DEF6: variants seen among roughly 807,000 people sequenced by gnomAD.
DEF6 encodes the protein differentially expressed in FDCP 6 homolog.
A neutral mutation model predicts 80.5 loss-of-function variants in DEF6; 32 were observed. That is an observed-to-expected ratio of 0.40 (90% CI 0.30 to 0.53). The LOEUF (loss-of-function observed/expected upper bound fraction) is 0.53. Ranked by LOEUF, DEF6 falls within the 20% of genes least tolerant of loss-of-function variation. The pLI, the probability that DEF6 is intolerant of heterozygous loss-of-function variation, is 0.57. For missense variants in DEF6, 575 were observed against 818.7 expected, an observed-to-expected ratio of 0.70 and a Z score of 3.63; for synonymous variants, 300 against 337.9, an observed-to-expected ratio of 0.89 and a Z score of 1.23.
intron 5 of DEF6, among the ~76,000 whole-genome samples, chr6:35,314,808 A>G (rs1431101711): frequency 8.1e-6 from 1 of 122,916 alleles, no homozygotes; most frequent in Non-Finnish European, 1.8e-5. Context: ...TTGGTTGCCT[A>G]TGCTTTTGAG....
In DEF6 at chr6:35,312,186, G is replaced by A. The variant is rs1030546003; in HGVS notation, c.424-116G>A. 7.2e-5 allele frequency: 61 copies of A among 842,568 alleles called. No homozygotes were observed. The highest frequency in any genetic ancestry group is 1.5e-4 in the Admixed American group (6 of 39,310). The allele number at this position is 842,568 out of a possible 1,614,324, so 52.2% of individuals were successfully genotyped here. On this transcript the variant is annotated intron_variant, in intron 3 of 10. Transcript: ENST00000316637. The surrounding 1 kb of genome is among the most constrained non-coding windows in gnomAD (Gnocchi z 6.6). ...CATTCGGTCCTCTGGCCCCCTCAAC[G>A]CTCTGTCCCCTGTTTCCCTCTGCCC... is the stretch of plus-strand genomic sequence containing the variant.
In DEF6 at chr6:35,310,514, C is replaced by T. The variant is rs1367992165; in HGVS notation, c.293C>T (p.Thr98Met). The change falls in exon 3 of 11, where the codon ACG becomes ATG. Residue 98 changes from threonine to methionine, a missense_variant. Transcript: ENST00000316637. ...TTTGATGAGCTGTGCTGGACGCTGA[C>T]GGCCAAGAAGAACTATCGGGCAGAT... ...EHFDELCWTL[T>M]AKKNYRADSN... The T allele has an allele frequency of 3.7e-6, 6 of 1,614,130 alleles. No homozygotes were observed. Among genetic ancestry groups the T allele is most frequent in the Non-Finnish European group, 4.2e-6 (5 of 1,180,024 alleles).
chr6:35,312,509 C>A lies in DEF6; in HGVS notation c.631C>A (p.Gln211Lys). ...CAGCATGGCCATCCACGAGGTCTACCAGGAGCTCATCCAAGATGTCCTGAA... is the reference window on the plus strand; with the variant it reads ...CAGCATGGCCATCCACGAGGTCTACAAGGAGCTCATCCAAGATGTCCTGAA... Reference protein sequence around the residue: ...TLSMAIHEVYQELIQDVLKQG... With the variant: ...TLSMAIHEVYKELIQDVLKQG... The change falls in exon 4 of 11, where the codon CAG becomes AAG. Residue 211 changes from glutamine (Q) to lysine (K), a missense_variant. Coordinates refer to ENST00000316637, the MANE Select transcript of DEF6 (RefSeq NM_022047.4). The surrounding 1 kb of genome is among the most constrained non-coding windows in gnomAD (Gnocchi z 6.6). 2.5e-6 allele frequency: 4 copies of A among 1,614,162 alleles called. No homozygotes were observed. Among genetic ancestry groups the A allele is most frequent in the Non-Finnish European group, 3.4e-6 (4 of 1,180,032 alleles).
At position 35,297,855 on chromosome 6, in the gene DEF6, C is replaced by T. The variant is rs1354305644; in HGVS notation, c.-2C>T. ...GCCCCCAGCCGGGCGGGCGCCTCAG[C>T]CATGGCCCTGCGCAAGGAACTGCTC... is the stretch of plus-strand genomic sequence containing the variant. On this transcript the variant is annotated 5_prime_UTR_variant, in exon 1 of 11. Coordinates refer to ENST00000316637, the MANE Select transcript of DEF6 (RefSeq NM_022047.4). The T allele has an allele frequency of 6.3e-7, 1 of 1,595,598 alleles. No individual in the cohort carries two copies. Among genetic ancestry groups the T allele is most frequent in the Non-Finnish European group, 8.5e-7 (1 of 1,172,218 alleles).
chr6:35,305,135 G>GA (rs934222262), intron 1 of DEF6, among the ~76,000 whole-genome samples: 2 of 146,172 alleles, frequency 1.4e-5, no homozygotes, highest in Non-Finnish European at 3.0e-5. Context: ...TCATCTCTAT[G>GA]AAAAAAAAGA....
At position 35,319,266 on chromosome 6, in the gene DEF6, A is replaced by T. The variant is rs1235451893; in HGVS notation, c.1216-258A>T. Among the ~76,000 whole-genome samples the T allele has an allele frequency of 6.6e-6, 1 of 152,006 alleles. No homozygotes were observed. The highest frequency in any genetic ancestry group is 1.5e-5 in the Non-Finnish European group (1 of 68,004). ...TAATTATATAATGTTGTTTAATTAC[A>T]TGTTATATAATTATGATTAAGGTTG... On this transcript the variant is annotated intron_variant, in intron 7 of 10. Coordinates refer to ENST00000316637, the MANE Select transcript of DEF6 (RefSeq NM_022047.4). The surrounding 1 kb of genome is among the most constrained non-coding windows in gnomAD (Gnocchi z 4.5).
At chr6:35,308,707 TA>T (rs1282379349) in intron 1 of DEF6, among the ~76,000 whole-genome samples, 1 of 141,500 alleles carries the variant, frequency 7.1e-6, no homozygotes, top group African/African-American at 2.6e-5. Flanking sequence ...TAAAATAAAA[TA>T]AAATAAAATA....
At chr6:35,300,178 C>A (rs1319074812) in intron 1 of DEF6, among the ~76,000 whole-genome samples, 2 of 152,248 alleles carry the variant, frequency 1.3e-5, no homozygotes, top group African/African-American at 4.8e-5. Flanking sequence ...CATGCCACCA[C>A]GCCTGGCTAA....
At position 35,318,223 on chromosome 6, in the gene DEF6, A is replaced by G; in HGVS notation, c.967A>G (p.Lys323Glu). 1 of 1,596,490 alleles carries G rather than the reference A, an allele frequency of 6.3e-7. No individual in the cohort carries two copies. The highest frequency in any genetic ancestry group is 8.5e-7 in the Non-Finnish European group (1 of 1,172,690). ...GGCCGAGGGGAAGACGTCCCTACAC[A>G]AGGACCTGAAGCAGAAACGGCGCGA... is the stretch of plus-strand genomic sequence containing the variant. ...LQAEGKTSLH[K>E]DLKQKRREQR... The change falls in exon 7 of 11, where the codon AAG becomes GAG. Residue 323 changes from lysine to glutamate, a missense_variant. Physicochemically the swap from Lys to Glu is moderately conservative, Grantham distance 56. Transcript: ENST00000316637. The surrounding 1 kb of genome is among the most constrained non-coding windows in gnomAD (Gnocchi z 5.1).
chr6:35,309,900 G>A lies in DEF6; in HGVS notation c.237+90G>A, dbSNP rs1028003866. 1.1e-5 allele frequency: 16 copies of A among 1,475,262 alleles called. No homozygotes were observed. The African/African-American group carries it at 1.5e-4, about 14-fold the overall frequency. 91.4% of individuals were successfully genotyped at this position (1,475,262 alleles called of 1,614,324 possible). On this transcript the variant is annotated intron_variant, in intron 2 of 10. Coordinates refer to ENST00000316637, the MANE Select transcript of DEF6 (RefSeq NM_022047.4). ...TAATACCTTGCCACTCCAACTCTTC[G>A]CCCCTGCCATAAACTCCTACTTCTG...
At chr6:35,310,749 T>C (rs1791456764) in intron 3 of DEF6, 105 bp downstream of exon 3, 1 of 1,183,840 alleles carries the variant, frequency 8.4e-7, no homozygotes, top group Admixed American at 1.9e-5. Flanking sequence ...ATCCCCTTTC[T>C]TTCTTTACCA....
intron 1 of DEF6, among the ~76,000 whole-genome samples, chr6:35,305,339 A>G (rs980160858): frequency 1.3e-5 from 2 of 151,060 alleles, no homozygotes; most frequent in Non-Finnish European, 3.0e-5. Flanking sequence ...AAATTTTTTA[A>G]CTTAGCTGAG....
chr6:35,305,313 T>C (rs1477319005), intron 1 of DEF6, among the ~76,000 whole-genome samples: 1 of 150,862 alleles, frequency 6.6e-6, no homozygotes, highest in African/African-American at 2.4e-5. Context: ...ACCCGGCTAA[T>C]TTTGGTATTA....
At chr6:35,317,502 C>A (rs1791536033) in intron 5 of DEF6, 1 of 162,318 alleles carries the variant, frequency 6.2e-6, no homozygotes, top group South Asian at 1.7e-4. Flanking sequence ...ACTCAGTAGG[C>A]ACTCCAAAAA....
rs192209195 is a variant in DEF6, at chr6:35,298,413, G to A, written c.96+461G>A. Among the ~76,000 whole-genome samples, 1,001 of 152,268 alleles carry A rather than the reference G, an allele frequency of 6.6e-3. 8 individuals are homozygous for A. The highest frequency in any genetic ancestry group is 0.011 in the Non-Finnish European group (739 of 68,002). On this transcript the variant is annotated intron_variant, in intron 1 of 10. Transcript: ENST00000316637. ...GAGCTGAGAGAGGCATAAAGGGGCC[G>A]CCCCCAGTCCCAAACCTGTCTGGCC... is the stretch of plus-strand genomic sequence containing the variant.
chr6:35,314,323 G>A (rs1206319393), intron 5 of DEF6, among the ~76,000 whole-genome samples: 4 of 150,336 alleles, frequency 2.7e-5, no homozygotes, highest in East Asian at 2.0e-4. Context: ...CAGGAGAATC[G>A]CTTGAACCTG....
In DEF6 at chr6:35,312,473, C is replaced by T. The variant is rs764306600; in HGVS notation, c.595C>T (p.Arg199Trp). 1.6e-5 allele frequency: 26 copies of T among 1,614,130 alleles called. No homozygotes were observed. In the East Asian group the frequency reaches 2.5e-4, roughly 15 times the overall value. ...NSGRCLRGVGRDTLSMAIHEV... is the reference protein window; with the variant it reads ...NSGRCLRGVGWDTLSMAIHEV... ...GGGCCGCTGCCTGCGGGGCGTGGGC[C>T]GGGACACCCTCAGCATGGCCATCCA... Residue 199 changes from arginine to tryptophan, a missense_variant, in exon 4 of 11, where the codon CGG becomes TGG. Transcript: ENST00000316637. The surrounding 1 kb of genome is among the most constrained non-coding windows in gnomAD (Gnocchi z 6.6).
intron 1 of DEF6, among the ~76,000 whole-genome samples, chr6:35,305,561 T>TG (rs1258427642): frequency 1.3e-5 from 2 of 151,856 alleles, no homozygotes; most frequent in Non-Finnish European, 2.9e-5. Flanking sequence ...TTTTTTTTTG[T>TG]GGGGGTGTGT....
In DEF6 at chr6:35,321,756, C is replaced by T; in HGVS notation, c.*346C>T. 4.8e-6 allele frequency: 1 copy of T among 208,722 alleles called. No individual in the cohort carries two copies. Among genetic ancestry groups the T allele is most frequent in the Non-Finnish European group, 9.5e-6 (1 of 105,032 alleles). 12.9% of individuals were successfully genotyped at this position (208,722 alleles called of 1,614,324 possible). A position where few individuals can be genotyped will look rare whatever the true frequency, so the allele number is the denominator to read the frequency against. ...GTGGAAGCACATTTCTAAATAAAAA[C>T]TGCTCTTAGAATGAATTATTGGCTC... On this transcript the variant is annotated 3_prime_UTR_variant, in exon 11 of 11. Transcript: ENST00000316637.
Sources: allele counts gnomAD v4.1 joint callset (sites outside exome capture counted in the v4.1 genomes callset), GRCh38; gene constraint gnomAD v4.1.1; non-coding constraint Gnocchi (gnomAD v3.1); transcripts MANE v1.5; gene names NCBI Gene and HGNC (gene_info 2026-07-23, HGNC 2026-07-21).